The following PLEKHM1 variants were observed in gnomAD, a reference collection of about 807,000 sequenced individuals.
The protein encoded by PLEKHM1 is pleckstrin homology and RUN domain containing M1, also known as pleckstrin homology domain-containing family M member 1.
PLEKHM1 carries 28 observed loss-of-function variants against 94.3 expected under a neutral mutation model. The observed-to-expected ratio is 0.30, with a 90% confidence interval of 0.22 to 0.41. The LOEUF is 0.41. Ranked by LOEUF, PLEKHM1 falls within the 10% of genes least tolerant of loss-of-function variation. PLEKHM1 has a pLI of 1.00. For synonymous variants in PLEKHM1, 424 were observed against 581.2 expected, an observed-to-expected ratio of 0.73 and a Z score of 3.89; for missense variants, 907 against 1,358.6, an observed-to-expected ratio of 0.67 and a Z score of 5.22.
At position 45,444,432 on chromosome 17, in the gene PLEKHM1, C is replaced by T. The variant is rs1192535884; in HGVS notation, c.2837+1038G>A. 6.6e-6 allele frequency among the ~76,000 whole-genome samples: 1 copy of T among 152,212 alleles called. No individual in the cohort carries two copies. The highest frequency in any genetic ancestry group is 1.5e-5 in the Non-Finnish European group (1 of 68,030). ...TGAAGCCCAGCATCACATCCCATTC[C>T]TGAGCACCAAAGGCCCCAGGCCCTG... is the stretch of plus-strand genomic sequence containing the variant. On this transcript the variant is annotated intron_variant, in intron 9 of 11. Coordinates refer to ENST00000430334, the MANE Select transcript of PLEKHM1 (RefSeq NM_014798.3). This position sits in a 1 kb window ranked among gnomAD's most constrained non-coding sequence, Gnocchi z 5.0.
At chr17:45,483,311 T>A (rs2052012800) in intron 1 of PLEKHM1, among the ~76,000 whole-genome samples, 1 of 151,954 alleles carries the variant, frequency 6.6e-6, no homozygotes. Context: ...TGTGGCCACC[T>A]AAACCTACAG....
Position 45,475,647 on chromosome 17 carries a change from G to C in PLEKHM1, c.376C>G (p.Leu126Val). 1.2e-6 allele frequency: 2 copies of C among 1,613,556 alleles called. No individual in the cohort carries two copies. Among genetic ancestry groups the C allele is most frequent in the Non-Finnish European group, 1.7e-6 (2 of 1,179,978 alleles). ...GRCRAWLRLA[L>V]NDGLMECYLK... ...TAGCACTCCATCAGGCCATCGTTCA[G>C]GGCCAGCCGCAGCCATGCCCGGCAG... Residue 126 changes from leucine (L) to valine (V), a missense_variant, in exon 4 of 12, where the codon CTG becomes GTG. Around this residue, in one of 3 missense-constraint regions of PLEKHM1, gnomAD observed 176 missense variants for 306.0 expected, o/e 0.58. Transcript: ENST00000430334.
In PLEKHM1 at chr17:45,475,509, T is replaced by C. The variant is rs757546268; in HGVS notation, c.514A>G (p.Thr172Ala). The change falls in exon 4 of 12, where the codon ACG becomes GCG. Residue 172 changes from threonine (T) to alanine (A), a missense_variant. By Grantham distance (58) the Thr-to-Ala change is moderately conservative. Around this residue, in one of 3 missense-constraint regions of PLEKHM1, gnomAD observed 176 missense variants for 306.0 expected, o/e 0.58. Transcript: ENST00000430334. Reference sequence around the variant, plus strand: ...TAGGAGAGTTCGAAGGACAAGGACGTGAGGCCCTGCAGGAAGCTAAGGAGG... The same window carrying C: ...TAGGAGAGTTCGAAGGACAAGGACGCGAGGCCCTGCAGGAAGCTAAGGAGG... ...EFLLSFLQGL[T>A]SLSFELSYKS... is the part of the protein sequence containing the mutation. The C allele has an allele frequency of 4.3e-5, 70 of 1,611,722 alleles. 1 individual carries two copies. Among genetic ancestry groups the C allele is most frequent in the Non-Finnish European group, 6.8e-6 (8 of 1,178,064 alleles).
At chr17:45,474,954 G>A (rs1023669142) in intron 4 of PLEKHM1, 146 bp downstream of exon 4, 2 of 801,292 alleles carry the variant, frequency 2.5e-6, no homozygotes, top group African/African-American at 3.4e-5. Context: ...TCCAGTCCCT[G>A]GAGAAGTCGA....
intron 2 of PLEKHM1, among the ~76,000 whole-genome samples, chr17:45,478,614 C>A (rs1415876254): frequency 3.9e-5 from 6 of 152,178 alleles, no homozygotes; most frequent in African/African-American, 9.7e-5. Context: ...ACAATAAACA[C>A]CCACACTGCT....
intron 9 of PLEKHM1, among the ~76,000 whole-genome samples, chr17:45,441,969 G>A (rs1000217170): frequency 9.9e-5 from 15 of 152,204 alleles, no homozygotes; most frequent in African/African-American, 3.4e-4. Context: ...GGCAAGGGCT[G>A]GAAGATCCGG....
chr17:45,451,781 G>T (rs2050780794), intron 7 of PLEKHM1, among the ~76,000 whole-genome samples: 1 of 152,072 alleles, frequency 6.6e-6, no homozygotes, highest in African/African-American at 2.4e-5. Context: ...GGTGAGAGTT[G>T]CCCCCGCAGC....
chr17:45,466,122 C>T (rs9905465), intron 5 of PLEKHM1, among the ~76,000 whole-genome samples: 1 of 152,134 alleles, frequency 6.6e-6, no homozygotes, highest in Non-Finnish European at 1.5e-5. Flanking sequence ...ATAGCAAATT[C>T]GAAGACTCTG....
Position 45,468,222 on chromosome 17 carries a change from G to A in PLEKHM1, c.1295C>T (p.Ser432Leu). The A allele has an allele frequency of 6.2e-7, 1 of 1,613,084 alleles. No homozygotes were observed. The highest frequency in any genetic ancestry group is 8.5e-7 in the Non-Finnish European group (1 of 1,179,802). ...TGCACCACTCACCGGACTGGTGGGT[G>A]AGGAAACTACCAGCTTCAGACCAGC... ...DGAGLKLVVS[S>L]PTSPKNKSWI... is the part of the protein sequence containing the mutation. Residue 432 changes from serine to leucine, a missense_variant, in exon 5 of 12, where the codon TCA becomes TTA. Physicochemically the swap from Ser to Leu is moderately radical, Grantham distance 145. Around this residue, in one of 3 missense-constraint regions of PLEKHM1, gnomAD observed 477 missense variants for 601.5 expected, o/e 0.79. Coordinates refer to ENST00000430334, the MANE Select transcript of PLEKHM1 (RefSeq NM_014798.3).
downstream of PLEKHM1, among the ~76,000 whole-genome samples, chr17:45,435,395 G>A (rs2050230934): frequency 6.6e-6 from 1 of 152,194 alleles, no homozygotes. Context: ...TGGAACTTCT[G>A]AGGAAGGTCA....
downstream of PLEKHM1, among the ~76,000 whole-genome samples, chr17:45,434,925 C>T (rs574223107): frequency 4.1e-5 from 6 of 145,076 alleles, no homozygotes; most frequent in African/African-American, 1.0e-4. Flanking sequence ...GCCAAGATCA[C>T]GCCACTGCAC....
At chr17:45,455,655 A>G (rs2050923029) in intron 6 of PLEKHM1, among the ~76,000 whole-genome samples, 1 of 152,152 alleles carries the variant, frequency 6.6e-6, no homozygotes, top group South Asian at 2.1e-4. Context: ...TTCGCAGCCT[A>G]CATCAGCAAA....
chr17:45,476,973 A>C (rs978956051), intron 3 of PLEKHM1: 1 of 152,234 alleles, frequency 6.6e-6, no homozygotes, highest in African/African-American at 2.4e-5. Flanking sequence ...TCACCCAGGA[A>C]AGAAGAACGT....
At chr17:45,483,963 T>C (rs1210738892) in intron 1 of PLEKHM1, among the ~76,000 whole-genome samples, 3 of 152,192 alleles carry the variant, frequency 2.0e-5, no homozygotes, top group Admixed American at 6.5e-5. Context: ...TCAAAAAAAC[T>C]GAAAACTGAG....
intron 8 of PLEKHM1, among the ~76,000 whole-genome samples, chr17:45,448,675 C>T (rs1452518108): frequency 1.3e-5 from 2 of 152,188 alleles, no homozygotes; most frequent in South Asian, 2.1e-4. Flanking sequence ...CACACTGCCA[C>T]ACCTGCCCTC....
At chr17:45,477,589 C>A (rs1214839063) in intron 3 of PLEKHM1, 2 of 440,166 alleles carry the variant, frequency 4.5e-6, no homozygotes, top group Non-Finnish European at 8.5e-6. Context: ...TGTAACTCTG[C>A]CCCAGTGTGG....
rs1485467330 is a variant in PLEKHM1, at chr17:45,436,767, A to G, written c.*1091T>C. ...AAGTTCAGTGATGCTTTGGGAATTC[A>G]TGGCTTTGTGAGGTGGTGGCTGCAT... On this transcript the variant is annotated 3_prime_UTR_variant, in exon 12 of 12. Coordinates refer to ENST00000430334, the MANE Select transcript of PLEKHM1 (RefSeq NM_014798.3). 1.1e-5 allele frequency: 5 copies of G among 454,072 alleles called. No homozygotes were observed. The highest frequency in any genetic ancestry group is 7.0e-5 in the Admixed American group (3 of 42,582). The allele number at this position is 454,072 out of a possible 1,614,324, so 28.1% of individuals were successfully genotyped here. A position where few individuals can be genotyped will look rare whatever the true frequency, so the allele number is the denominator to read the frequency against.
chr17:45,458,081 A>G (rs943506695), intron 6 of PLEKHM1, 88 bp downstream of exon 6: 14 of 1,012,976 alleles, frequency 1.4e-5, no homozygotes, highest in African/African-American at 3.2e-5. Context: ...CTACCCCTTT[A>G]GCAATGGAAA....
In PLEKHM1 at chr17:45,445,040, T is replaced by C. The variant is rs932991033; in HGVS notation, c.2837+430A>G. 2.6e-5 allele frequency among the ~76,000 whole-genome samples: 4 copies of C among 152,272 alleles called. No individual in the cohort carries two copies. The highest frequency in any genetic ancestry group is 4.4e-5 in the Non-Finnish European group (3 of 68,054). ...CCAGAGACTTCCGGCGGGTCGGCCCTGGCTCTGTCCTGCTCATTGTTGGAG... is the reference window on the plus strand; with the variant it reads ...CCAGAGACTTCCGGCGGGTCGGCCCCGGCTCTGTCCTGCTCATTGTTGGAG... On this transcript the variant is annotated intron_variant, in intron 9 of 11. Coordinates refer to ENST00000430334, the MANE Select transcript of PLEKHM1 (RefSeq NM_014798.3). The surrounding 1 kb of genome is among the most constrained non-coding windows in gnomAD (Gnocchi z 4.2).
Sources: allele counts gnomAD v4.1 joint callset (sites outside exome capture counted in the v4.1 genomes callset), GRCh38; gene constraint gnomAD v4.1.1; regional missense constraint gnomAD v4.1.1; non-coding constraint Gnocchi (gnomAD v3.1); transcripts MANE v1.5; gene names NCBI Gene and HGNC (gene_info 2026-07-23, HGNC 2026-07-21).